The following ERC1 variants were observed in gnomAD, a reference collection of about 807,000 sequenced individuals.
ERC1 encodes ELKS/RAB6-interacting/CAST family member 1, also known as RAB6 interacting protein 2.
A neutral mutation model predicts 132.0 loss-of-function variants in ERC1; 56 were observed. The ratio of observed to expected loss-of-function variants is 0.42; its 90% CI spans 0.34 to 0.53. ERC1 has a LOEUF of 0.53. ERC1 is among the 20% of genes least tolerant of loss of function. ERC1 has a pLI of 0.03. For missense variants in ERC1, 1,202 were observed against 1,349.9 expected (o/e 0.89, Z 1.72); for synonymous variants, 478 against 476.1 (o/e 1.00, Z -0.05).
intron 15 of ERC1, among the ~76,000 whole-genome samples, chr12:1,295,126 T>C (rs762155511): frequency 3.5e-4 from 53 of 152,286 alleles, no homozygotes; most frequent in Middle Eastern, 3.4e-3. Flanking sequence ...AAAAAGCACG[T>C]TGAAGTTGGT....
At chr12:1,421,006 A>G (rs975341129) in intron 17 of ERC1, among the ~76,000 whole-genome samples, 2 of 151,212 alleles carry the variant, frequency 1.3e-5, no homozygotes, top group African/African-American at 2.4e-5. Flanking sequence ...ACATCTAATA[A>G]TTTTATGTTT....
Position 1,294,275 on chromosome 12 carries a change from C to G in ERC1, c.2780+4263C>G, listed in dbSNP as rs116340636. Among the ~76,000 whole-genome samples the G allele has an allele frequency of 9.9e-5, 15 of 152,198 alleles. No individual in the cohort carries two copies. The East Asian group carries it at 2.9e-3, about 29-fold the overall frequency. On this transcript the variant is annotated intron_variant, in intron 15 of 18. Coordinates refer to ENST00000360905, the MANE Select transcript of ERC1 (RefSeq NM_178040.4). Reference sequence around the variant, plus strand: ...CCTTTCTCCTTCTTTAAATTTTAAACTTATTCCACATTTTAGCTTTTTAAG... The same window carrying G: ...CCTTTCTCCTTCTTTAAATTTTAAAGTTATTCCACATTTTAGCTTTTTAAG...
chr12:1,132,590 G>A (rs2154241218), intron 7 of ERC1, among the ~76,000 whole-genome samples: 1 of 152,308 alleles, frequency 6.6e-6, no homozygotes, highest in South Asian at 2.1e-4. Context: ...CTTTCATAAA[G>A]AGGCAGCAAT....
chr12:1,407,938 G>C (rs1163912379), intron 16 of ERC1, among the ~76,000 whole-genome samples: 2 of 152,046 alleles, frequency 1.3e-5, no homozygotes, highest in African/African-American at 4.8e-5. Flanking sequence ...GGGGTTTAGG[G>C]GTTCTACATA....
chr12:1,074,432 C>A (rs980383793), intron 2 of ERC1, among the ~76,000 whole-genome samples: 3 of 152,024 alleles, frequency 2.0e-5, no homozygotes, highest in Non-Finnish European at 4.4e-5. Flanking sequence ...TCCCGAATAG[C>A]TGGGATTATA....
intron 8 of ERC1, among the ~76,000 whole-genome samples, chr12:1,179,157 CCA>C (rs1287660344): frequency 6.6e-6 from 1 of 152,110 alleles, no homozygotes; most frequent in Non-Finnish European, 1.5e-5. Flanking sequence ...CATGCTATTT[CCA>C]CAGTGTTATC....
intron 12 of ERC1, among the ~76,000 whole-genome samples, chr12:1,210,683 A>G (rs142230097): frequency 1.2e-3 from 181 of 152,244 alleles, no homozygotes; most frequent in Middle Eastern, 6.8e-3. Flanking sequence ...GTCAATGGCT[A>G]CAAAAGACAG....
intron 12 of ERC1, among the ~76,000 whole-genome samples, chr12:1,208,957 ATTTTTTTTT>A (rs538961813): frequency 3.4e-4 from 24 of 71,632 alleles, no homozygotes; most frequent in African/African-American, 1.1e-3. Context: ...CGCCCAGCTG[ATTTTTTTTT>A]TTTTTTTTTT....
At chr12:1,149,382 A>G (rs934263565) in intron 8 of ERC1, among the ~76,000 whole-genome samples, 2 of 152,188 alleles carry the variant, frequency 1.3e-5, no homozygotes, top group Non-Finnish European at 2.9e-5. Context: ...TTAATACAGT[A>G]TCATATATAC....
intron 15 of ERC1, among the ~76,000 whole-genome samples, chr12:1,364,393 C>T (rs1031867419): frequency 6.6e-6 from 1 of 152,208 alleles, no homozygotes; most frequent in African/African-American, 2.4e-5. Context: ...AATCACTTCT[C>T]ATTCAGCATT....
intron 1 of ERC1, among the ~76,000 whole-genome samples, chr12:1,022,969 C>T (rs950948886): frequency 7.9e-5 from 12 of 152,150 alleles, no homozygotes; most frequent in Admixed American, 2.6e-4. Flanking sequence ...GGCACTTCTT[C>T]CTGCCGCCAT....
At chr12:1,258,669 A>G (rs887410392) in intron 13 of ERC1, among the ~76,000 whole-genome samples, 1 of 152,252 alleles carries the variant, frequency 6.6e-6, no homozygotes, top group Admixed American at 6.5e-5. Context: ...TTCAGGATTT[A>G]TGGAAGAACT....
At chr12:1,057,527 CT>C (rs35389600) in intron 2 of ERC1, among the ~76,000 whole-genome samples, 2 of 141,802 alleles carry the variant, frequency 1.4e-5, no homozygotes, top group African/African-American at 2.7e-5. Context: ...TTTTATTGTA[CT>C]TTTTTTTTAA....
At chr12:1,298,542 C>CAAAAA (rs759796167) in intron 15 of ERC1, among the ~76,000 whole-genome samples, 5 of 74,772 alleles carry the variant, frequency 6.7e-5, no homozygotes, top group Non-Finnish European at 8.9e-5. Flanking sequence ...GACTCTGTCA[C>CAAAAA]AAAAAAAAAA....
chr12:1,270,295 C>T (rs1401252661), intron 14 of ERC1, among the ~76,000 whole-genome samples: 1 of 152,120 alleles, frequency 6.6e-6, no homozygotes, highest in African/African-American at 2.4e-5. Flanking sequence ...GCAACCTCCA[C>T]CTCCCGGGTT....
intron 13 of ERC1, among the ~76,000 whole-genome samples, chr12:1,262,010 A>G (rs2077174116): frequency 6.6e-6 from 1 of 152,212 alleles, no homozygotes; most frequent in South Asian, 2.1e-4. Context: ...TACAGTTGTC[A>G]AAAAGGACTT....
chr12:1,010,668 A>G (rs564147540), intron 1 of ERC1, among the ~76,000 whole-genome samples: 2 of 151,640 alleles, frequency 1.3e-5, no homozygotes, highest in African/African-American at 4.8e-5. Flanking sequence ...GTACCAGCAC[A>G]CCTGGCTAAT....
At chr12:1,149,291 C>T (rs1950635545) in intron 8 of ERC1, among the ~76,000 whole-genome samples, 1 of 152,122 alleles carries the variant, frequency 6.6e-6, no homozygotes, top group African/African-American at 2.4e-5. Context: ...ATTATTCTAG[C>T]TATAGTTTTA....
intron 18 of ERC1, 57 bp from the exon 19 acceptor site, chr12:1,490,036 T>C: frequency 2.6e-6 from 4 of 1,568,436 alleles, no homozygotes; most frequent in Non-Finnish European, 3.5e-6. Context: ...AAATAATTCT[T>C]AGCTCAGTGC....
Sources: gnomAD v4.1 joint callset for allele counts (sites outside exome capture counted in the v4.1 genomes callset) on GRCh38, gnomAD v4.1.1 for gene constraint, MANE v1.5 for transcripts, NCBI Gene and HGNC (gene_info 2026-07-23, HGNC 2026-07-21) for gene names.